BCAR3: variants seen among roughly 807,000 people sequenced by gnomAD.
BCAR3 encodes the protein breast cancer anti-estrogen resistance protein 3.
BCAR3 carries 37 observed loss-of-function variants against 80.1 expected under a neutral mutation model. That is an observed-to-expected ratio of 0.46 (90% CI 0.36 to 0.61). The LOEUF (loss-of-function observed/expected upper bound fraction) is 0.61, where lower values mean the gene tolerates loss of function less well. Among genes scored for constraint, BCAR3 ranks in the 20% least tolerant of loss-of-function variants. The pLI is 0.00. For missense variants in BCAR3, 978 were observed against 1,068.2 expected, an observed-to-expected ratio of 0.92 and a Z score of 1.18; for synonymous variants, 389 against 418.9, an observed-to-expected ratio of 0.93 and a Z score of 0.87.
upstream of BCAR3, among the ~76,000 whole-genome samples, chr1:93,686,467 C>G (rs1648978964): frequency 6.6e-6 from 1 of 152,224 alleles, no homozygotes; most frequent in Admixed American, 6.5e-5. Flanking sequence ...ATTAGCTGTA[C>G]TTGGTTTAGA....
chr1:93,696,838 C>T (rs574213998), intron 3 of BCAR3, among the ~76,000 whole-genome samples: 10 of 152,368 alleles, frequency 6.6e-5, no homozygotes, highest in South Asian at 4.1e-4. Flanking sequence ...TCTTTTGGCT[C>T]TGGGTTGGCA....
chr1:93,729,124 G>C (rs989682230), intron 2 of BCAR3, among the ~76,000 whole-genome samples: 1 of 152,200 alleles, frequency 6.6e-6, no homozygotes, highest in Non-Finnish European at 1.5e-5. Context: ...AGATTTTCAT[G>C]TAGGCAGTTT....
intron 9 of BCAR3, among the ~76,000 whole-genome samples, chr1:93,570,772 T>C (rs1411833853): frequency 2.0e-5 from 3 of 152,244 alleles, no homozygotes; most frequent in Non-Finnish European, 4.4e-5. Context: ...GCAGTCTCCT[T>C]CTTATACAAC....
chr1:93,637,037 AGT>A (rs1186673333), intron 3 of BCAR3, among the ~76,000 whole-genome samples: 1 of 152,134 alleles, frequency 6.6e-6, no homozygotes, highest in Non-Finnish European at 1.5e-5. Context: ...TCAAAGCTTC[AGT>A]GAGCTATGAT....
intron 2 of BCAR3, among the ~76,000 whole-genome samples, chr1:93,742,963 A>T (rs1349010418): frequency 6.6e-6 from 1 of 152,264 alleles, no homozygotes; most frequent in African/African-American, 2.4e-5. Flanking sequence ...TGGAAAGAAA[A>T]TGAATATTCT....
chr1:93,623,958 G>A (rs1350023538), intron 3 of BCAR3, among the ~76,000 whole-genome samples: 1 of 152,210 alleles, frequency 6.6e-6, no homozygotes, highest in Non-Finnish European at 1.5e-5. Flanking sequence ...GAAATTAATG[G>A]TGTTTTGCAG....
intron 2 of BCAR3, among the ~76,000 whole-genome samples, chr1:93,655,050 G>T (rs534340673): frequency 6.6e-6 from 1 of 152,282 alleles, no homozygotes; most frequent in South Asian, 2.1e-4. Flanking sequence ...GCATTTGCTG[G>T]ATTCTTGAGT....
intron 2 of BCAR3, among the ~76,000 whole-genome samples, chr1:93,732,302 G>C (rs1450259307): frequency 6.6e-6 from 1 of 152,158 alleles, no homozygotes; most frequent in Admixed American, 6.5e-5. Context: ...GAGGGAGACA[G>C]AGAATGAAAG....
At chr1:93,630,550 C>T (rs1675587655) in intron 3 of BCAR3, among the ~76,000 whole-genome samples, 1 of 152,084 alleles carries the variant, frequency 6.6e-6, no homozygotes, top group Non-Finnish European at 1.5e-5. Flanking sequence ...GGGAGGATGG[C>T]TTGAGCCTGG....
chr1:93,569,123 CTA>C (rs1463508084), intron 9 of BCAR3, among the ~76,000 whole-genome samples: 5 of 152,176 alleles, frequency 3.3e-5, no homozygotes, highest in Non-Finnish European at 5.9e-5. Flanking sequence ...ACCGGCAAGG[CTA>C]TGTTAAGTTT....
In BCAR3 at chr1:93,811,456, A is replaced by C. The variant is rs371861856; in HGVS notation, c.-63+34111T>G. Among the ~76,000 whole-genome samples the C allele has an allele frequency of 2.0e-5, 3 of 152,244 alleles. No individual in the cohort carries two copies. The East Asian group carries it at 5.8e-4, about 29-fold the overall frequency. On this transcript the variant is annotated intron_variant, in intron 2 of 13. Coordinates refer to the BCAR3 transcript ENST00000370244. ...TGAGGCTCAAAGCAGTTAAGCACAC[A>C]GCTGCTAAGTATCAGAGACAGAGAT...
intron 2 of BCAR3, among the ~76,000 whole-genome samples, chr1:93,782,941 T>C (rs1410014559): frequency 6.6e-6 from 1 of 152,094 alleles, no homozygotes; most frequent in African/African-American, 2.4e-5. Flanking sequence ...CCAGAATATA[T>C]AAATAATGCC....
rs555091828 is a variant in BCAR3 at position 93,589,279 on chromosome 1, G to T, written c.627C>A (p.Ser209Arg). The stretch of plus-strand genomic sequence containing the variant: ...GGTACTGCACGCGGCTGTAGGCCTC[G>T]CTGAGTCGCAGAACTGTCCGGTTGA... ...FKINRTVLRL[S>R]EAYSRVQYQF... The change falls in exon 5 of 12, where the codon AGC becomes AGA. Residue 209 changes from serine (S) to arginine (R), a missense_variant. Physicochemically the swap from Ser to Arg is moderately radical, Grantham distance 110 (BLOSUM62 -1). Transcript: ENST00000260502. 6.2e-7 allele frequency: 1 copy of T among 1,614,080 alleles called. No homozygotes were observed. Among genetic ancestry groups the T allele is most frequent in the African/African-American group, 1.3e-5 (1 of 74,946 alleles).
At position 93,810,192 on chromosome 1, in the gene BCAR3, C is replaced by CAAAAAAAAA. The variant is rs111305058; in HGVS notation, c.-63+35366_-63+35374dup. 2.4e-3 allele frequency among the ~76,000 whole-genome samples: 237 copies of CAAAAAAAAA among 98,808 alleles called. 9 individuals are homozygous for CAAAAAAAAA. The highest frequency in any genetic ancestry group is 6.7e-3 in the African/African-American group (194 of 28,944). The allele number at this position is 98,808 out of a possible 152,430, so 64.8% of individuals were successfully genotyped here. On this transcript the variant is annotated intron_variant, in intron 2 of 13. Coordinates refer to the BCAR3 transcript ENST00000370244. ...TGGGTGACAGAGCAAGACTCCATCT[C>CAAAAAAAAA]AAAAAAAAAAAAAAAAGAAATTGCT... is the stretch of plus-strand genomic sequence containing the variant.
chr1:93,741,731 G>C (rs1383014985), intron 2 of BCAR3, among the ~76,000 whole-genome samples: 2 of 152,044 alleles, frequency 1.3e-5, no homozygotes, highest in African/African-American at 4.8e-5. Context: ...ACCACACCCA[G>C]CTAATTTTTT....
At chr1:93,777,046 A>G (rs1316897610) in intron 2 of BCAR3, among the ~76,000 whole-genome samples, 1 of 152,164 alleles carries the variant, frequency 6.6e-6, no homozygotes, top group Admixed American at 6.5e-5. Flanking sequence ...CACAGGGAGA[A>G]GACAGCCATG....
chr1:93,831,462 G>A (rs1303033442), intron 2 of BCAR3, among the ~76,000 whole-genome samples: 3 of 152,112 alleles, frequency 2.0e-5, no homozygotes, highest in Admixed American at 6.5e-5. Flanking sequence ...TGGCACTTTC[G>A]ATTTGTCTAT....
intron 2 of BCAR3, among the ~76,000 whole-genome samples, chr1:93,650,790 G>T (rs777469290): frequency 3.3e-5 from 5 of 152,046 alleles, no homozygotes; most frequent in Non-Finnish European, 7.4e-5. Flanking sequence ...AACAGAACAG[G>T]AATAAAATTT....
At chr1:93,683,829 T>C (rs1648884403), upstream of BCAR3, among the ~76,000 whole-genome samples, 1 of 152,208 alleles carries the variant, frequency 6.6e-6, no homozygotes, top group South Asian at 2.1e-4. Context: ...GCTGATAATA[T>C]TCTATTTATT....
Sources: gnomAD v4.1 joint callset for allele counts (sites outside exome capture counted in the v4.1 genomes callset) on GRCh38, gnomAD v4.1.1 for gene constraint, MANE v1.5 for transcripts, NCBI Gene and HGNC (gene_info 2026-07-23, HGNC 2026-07-21) for gene names.